Variants in CCDC170 observed in about 807,000 individuals in gnomAD.
CCDC170 encodes coiled-coil domain-containing protein 170.
A neutral mutation model predicts 72.6 loss-of-function variants in CCDC170; 69 were observed. That is an observed-to-expected ratio of 0.95 (90% CI 0.78 to 1.16). CCDC170 has a LOEUF of 1.16. CCDC170 is among the 50% of genes most tolerant of loss of function. CCDC170 has a pLI of 0.00. For missense variants in CCDC170, 852 were observed against 832.5 expected (o/e 1.02, Z -0.29); for synonymous variants, 300 against 303.9 (o/e 0.99, Z 0.13).
At chr6:151,552,806 T>C (rs1282539252) in intron 5 of CCDC170, among the ~76,000 whole-genome samples, 1 of 122,852 alleles carries the variant, frequency 8.1e-6, no homozygotes, top group Non-Finnish European at 1.7e-5. Flanking sequence ...TTTTTTTTTT[T>C]TGAGACAGAG....
At chr6:151,519,783 G>A (rs982897166) in intron 1 of CCDC170, among the ~76,000 whole-genome samples, 2 of 152,136 alleles carry the variant, frequency 1.3e-5, no homozygotes, top group African/African-American at 2.4e-5. Context: ...GACCATACAG[G>A]GTAATAACCT....
At chr6:151,500,333 A>G (rs930641413) in intron 1 of CCDC170, among the ~76,000 whole-genome samples, 2 of 151,198 alleles carry the variant, frequency 1.3e-5, no homozygotes, top group African/African-American at 2.4e-5. Context: ...TATAAAGAAA[A>G]CCAATCTCCA....
At chr6:151,535,623 C>T (rs1265205043) in intron 1 of CCDC170, among the ~76,000 whole-genome samples, 6 of 152,122 alleles carry the variant, frequency 3.9e-5, no homozygotes, top group Admixed American at 6.5e-5. Flanking sequence ...AGAAAAATAA[C>T]GAAAACTGTC....
At chr6:151,583,615 G>A (rs1187562769) in intron 6 of CCDC170, among the ~76,000 whole-genome samples, 6 of 151,944 alleles carry the variant, frequency 3.9e-5, no homozygotes, top group African/African-American at 1.2e-4. Context: ...GAGCCATCAC[G>A]TCCAGCTAAT....
chr6:151,516,381 G>C (rs1782236085), intron 1 of CCDC170, among the ~76,000 whole-genome samples: 1 of 152,178 alleles, frequency 6.6e-6, no homozygotes, highest in African/African-American at 2.4e-5. Context: ...CAGTTGGAAG[G>C]CTTAGAATGT....
chr6:151,531,962 A>G (rs1782496711), intron 1 of CCDC170, among the ~76,000 whole-genome samples: 1 of 152,230 alleles, frequency 6.6e-6, no homozygotes, highest in Non-Finnish European at 1.5e-5. Flanking sequence ...GGGAACTACA[A>G]TTCAAGATGA....
chr6:151,504,177 T>C (rs931489348), intron 1 of CCDC170, among the ~76,000 whole-genome samples: 1 of 152,214 alleles, frequency 6.6e-6, no homozygotes, highest in African/African-American at 2.4e-5. Context: ...TATTGTAATA[T>C]ACGCATAGAG....
intron 9 of CCDC170, among the ~76,000 whole-genome samples, chr6:151,611,250 G>C (rs1776865608): frequency 6.7e-6 from 1 of 148,856 alleles, no homozygotes; most frequent in South Asian, 2.2e-4. Flanking sequence ...ACTCCAGTCT[G>C]GGTGACAAGA....
chr6:151,550,632 A>G (rs1289306169), intron 5 of CCDC170, among the ~76,000 whole-genome samples: 1 of 152,170 alleles, frequency 6.6e-6, no homozygotes, highest in Non-Finnish European at 1.5e-5. Context: ...ATACAGTACC[A>G]TAGACTGGGT....
chr6:151,543,561 T>C (rs1281009159), intron 3 of CCDC170, among the ~76,000 whole-genome samples: 1 of 152,218 alleles, frequency 6.6e-6, no homozygotes, highest in East Asian at 1.9e-4. Context: ...CATCTAGCTT[T>C]ATAACTTTAT....
At chr6:151,604,867 C>G (rs1365268577) in intron 9 of CCDC170, among the ~76,000 whole-genome samples, 1 of 152,124 alleles carries the variant, frequency 6.6e-6, no homozygotes, top group Non-Finnish European at 1.5e-5. Context: ...TATCCATCAC[C>G]TCAAATATTT....
intron 9 of CCDC170, among the ~76,000 whole-genome samples, chr6:151,609,245 C>T (rs1325948498): frequency 1.3e-5 from 2 of 152,078 alleles, no homozygotes; most frequent in Admixed American, 6.6e-5. Context: ...GTTTTTGTGT[C>T]CTTTTCAAAG....
intron 1 of CCDC170, among the ~76,000 whole-genome samples, chr6:151,529,980 C>T (rs1306441097): frequency 2.0e-5 from 3 of 152,078 alleles, no homozygotes; most frequent in Non-Finnish European, 4.4e-5. Flanking sequence ...TCTGGTGATA[C>T]CTAACCTACT....
intron 4 of CCDC170, 65 bp downstream of exon 4, chr6:151,544,781 A>C: frequency 6.6e-7 from 1 of 1,525,010 alleles, no homozygotes; most frequent in Non-Finnish European, 8.9e-7. Flanking sequence ...GCATGAAAGG[A>C]AGTGCTGTGG....
intron 7 of CCDC170, among the ~76,000 whole-genome samples, chr6:151,588,695 C>T (rs929613185): frequency 4.6e-5 from 7 of 152,156 alleles, no homozygotes; most frequent in African/African-American, 1.7e-4. Context: ...AATCCCAGCA[C>T]TTTGGGATGT....
intron 1 of CCDC170, among the ~76,000 whole-genome samples, chr6:151,529,923 G>A (rs906864390): frequency 5.9e-5 from 9 of 151,762 alleles, no homozygotes; most frequent in African/African-American, 2.2e-4. Context: ...GGGTAGAAGG[G>A]CCAGAAAGCA....
intron 5 of CCDC170, among the ~76,000 whole-genome samples, chr6:151,564,099 A>T (rs1776089982): frequency 6.6e-6 from 1 of 152,012 alleles, no homozygotes; most frequent in African/African-American, 2.4e-5. Context: ...TTGTGTCTTT[A>T]TGTTGGTATC....
intron 1 of CCDC170, among the ~76,000 whole-genome samples, chr6:151,531,322 G>A (rs1339109142): frequency 2.0e-5 from 3 of 152,142 alleles, no homozygotes; most frequent in Non-Finnish European, 2.9e-5. Flanking sequence ...ATAAAATCAG[G>A]CCAGGCATGG....
At chr6:151,537,952 T>G in intron 2 of CCDC170, 93 bp from the exon 3 acceptor site, 1 of 1,232,796 alleles carries the variant, frequency 8.1e-7, no homozygotes, top group Non-Finnish European at 1.1e-6. Flanking sequence ...AATAAAAGAG[T>G]GAACATTTAA....
Sources: allele counts gnomAD v4.1 joint callset (sites outside exome capture counted in the v4.1 genomes callset), GRCh38; gene constraint gnomAD v4.1.1; transcripts MANE v1.5; gene names NCBI Gene and HGNC (gene_info 2026-07-23, HGNC 2026-07-21).